The following PRRG1 variants were observed in gnomAD, a reference collection of about 807,000 sequenced individuals.
PRRG1 encodes transmembrane gamma-carboxyglutamic acid protein 1.
In PRRG1, 5 loss-of-function variants were observed where a neutral mutation model predicts 11.8. The observed-to-expected ratio is 0.42, with a 90% CI of 0.22 to 0.89. The LOEUF (loss-of-function observed/expected upper bound fraction) is 0.89. Among genes scored for constraint, PRRG1 ranks in the 40% least tolerant of loss-of-function variants. The probability of loss-of-function intolerance (pLI) is 0.28; values close to 1 mark genes in which losing one functional copy is unlikely to be tolerated. For missense variants in PRRG1, 155 were observed against 166.1 expected, an observed-to-expected ratio of 0.93 and a Z score of 0.37; for synonymous variants, 66 against 60.4, an observed-to-expected ratio of 1.09 and a Z score of -0.43.
chrX:37,438,416 A>G (rs1556392605), intron 3 of PRRG1, among the ~76,000 whole-genome samples: 1 of 106,623 alleles, frequency 9.4e-6, no homozygotes, highest in African/African-American at 3.4e-5. Context: ...ATTCGTTGAA[A>G]GCAGAATTTT....
intron 2 of PRRG1, among the ~76,000 whole-genome samples, chrX:37,418,081 G>A (rs1932550352): frequency 8.9e-6 from 1 of 112,174 alleles, no homozygotes; most frequent in Non-Finnish European, 1.9e-5. Flanking sequence ...TCATCAATTA[G>A]GAAACACGTT....
chrX:37,448,022 C>T (rs912660379), intron 3 of PRRG1, among the ~76,000 whole-genome samples: 1 of 112,238 alleles, frequency 8.9e-6, no homozygotes, highest in African/African-American at 3.2e-5. Context: ...TCCTTTTGCT[C>T]ATTACATCAG....
Position 37,414,316 on chromosome X carries a change from G to A in PRRG1, c.10+8057G>A, listed in dbSNP as rs782195260. Among the ~76,000 whole-genome samples, 10 of 111,728 alleles carry A rather than the reference G, an allele frequency of 9.0e-5. No homozygotes were observed. In the Admixed American group the frequency reaches 9.5e-4, roughly 11 times the overall value. ...CGGTGGTTTGTCTTTTCATTCTCTC[G>A]ATATAATGGTGTTTTTTATAGAAGT... On this transcript the variant is annotated intron_variant, in intron 2 of 3. Coordinates refer to ENST00000378628, the MANE Select transcript of PRRG1 (RefSeq NM_001142395.2).
In PRRG1 at chrX:37,456,766, A is replaced by G. The variant is rs1249901032; in HGVS notation, c.*3145A>G. 6 of 112,427 alleles carry G rather than the reference A, an allele frequency of 5.3e-5. No individual in the cohort carries two copies. The highest frequency in any genetic ancestry group is 1.1e-4 in the Non-Finnish European group (6 of 53,271). The allele number at this position is 112,427 out of a possible 1,213,427, so 9.3% of individuals were successfully genotyped here. On this transcript the variant is annotated 3_prime_UTR_variant, in exon 4 of 4. Coordinates refer to ENST00000378628, the MANE Select transcript of PRRG1 (RefSeq NM_001142395.2). ...TTGTCTTTCTTACCTGATTGATATTACATTCACCTTTGATTGTTTTTTAAA... is the reference window on the plus strand; with the variant it reads ...TTGTCTTTCTTACCTGATTGATATTGCATTCACCTTTGATTGTTTTTTAAA...
intron 2 of PRRG1, among the ~76,000 whole-genome samples, chrX:37,422,369 C>G (rs782344000): frequency 8.9e-6 from 1 of 111,804 alleles, no homozygotes; most frequent in Non-Finnish European, 1.9e-5. Context: ...AGACCAAACA[C>G]AAAGTATTGC....
intron 1 of PRRG1, among the ~76,000 whole-genome samples, chrX:37,372,123 T>A (rs1340708558): frequency 8.9e-6 from 1 of 112,860 alleles, no homozygotes; most frequent in Admixed American, 9.3e-5. Context: ...TTTCTTCATA[T>A]CTTTATCAAC....
chrX:37,451,101 C>G (rs782158334), intron 3 of PRRG1, among the ~76,000 whole-genome samples: 5 of 111,978 alleles, frequency 4.5e-5, no homozygotes, highest in East Asian at 2.8e-4. Flanking sequence ...CACCCGCAAC[C>G]TCCGCCTCCC....
At chrX:37,439,945 G>A (rs1468266131) in intron 3 of PRRG1, among the ~76,000 whole-genome samples, 21 of 108,896 alleles carry the variant, frequency 1.9e-4, no homozygotes, top group Non-Finnish European at 3.6e-4. Flanking sequence ...GACTACATGT[G>A]CCTGCCACCA....
intron 3 of PRRG1, among the ~76,000 whole-genome samples, 155 bp from the exon 4 acceptor site, chrX:37,452,981 C>T (rs1469013605): frequency 8.9e-6 from 1 of 112,011 alleles, no homozygotes; most frequent in Non-Finnish European, 1.9e-5. Flanking sequence ...AATTTCTTGT[C>T]ACATGGAAAA....
chrX:37,399,541 A>G (rs1206641132), intron 1 of PRRG1, among the ~76,000 whole-genome samples: 3 of 110,150 alleles, frequency 2.7e-5, no homozygotes, highest in Non-Finnish European at 5.7e-5. Flanking sequence ...CAAATTGTAA[A>G]GACCATCGAG....
At chrX:37,365,048 G>A (rs1930526248) in intron 1 of PRRG1, among the ~76,000 whole-genome samples, 1 of 111,957 alleles carries the variant, frequency 8.9e-6, no homozygotes, top group South Asian at 3.8e-4. Flanking sequence ...ATTGACGGAA[G>A]CTATGAATTC....
intron 3 of PRRG1, among the ~76,000 whole-genome samples, chrX:37,439,300 A>G (rs982178657): frequency 8.9e-6 from 1 of 112,353 alleles, no homozygotes; most frequent in African/African-American, 3.2e-5. Flanking sequence ...TTTGATACCA[A>G]TCACTGCTCA....
chrX:37,441,115 A>T, intron 3 of PRRG1: 3 of 906,013 alleles, frequency 3.3e-6, no homozygotes, highest in Non-Finnish European at 4.0e-6. Flanking sequence ...TAGACAAAAC[A>T]GAACTAAATC....
chrX:37,456,760 G>A lies in PRRG1; in HGVS notation c.*3139G>A, dbSNP rs1556398490. The A allele has an allele frequency of 8.9e-6, 1 of 112,195 alleles. No individual in the cohort carries two copies. The highest frequency in any genetic ancestry group is 1.9e-5 in the Non-Finnish European group (1 of 53,213). The allele number at this position is 112,195 out of a possible 1,213,427, so 9.2% of individuals were successfully genotyped here. A position where few individuals can be genotyped will look rare whatever the true frequency, so the allele number is the denominator to read the frequency against. On this transcript the variant is annotated 3_prime_UTR_variant, in exon 4 of 4. Coordinates refer to ENST00000378628, the MANE Select transcript of PRRG1 (RefSeq NM_001142395.2). The stretch of plus-strand genomic sequence containing the variant: ...ATGCTTTTGTCTTTCTTACCTGATT[G>A]ATATTACATTCACCTTTGATTGTTT...
At chrX:37,356,819 C>G (rs782375718) in intron 1 of PRRG1, among the ~76,000 whole-genome samples, 2 of 111,103 alleles carry the variant, frequency 1.8e-5, no homozygotes, top group Non-Finnish European at 3.8e-5. Context: ...CATATACCCC[C>G]TCTTCACATA....
intron 1 of PRRG1, among the ~76,000 whole-genome samples, chrX:37,401,389 G>A (rs1422935033): frequency 9.0e-6 from 1 of 111,232 alleles, no homozygotes; most frequent in Admixed American, 9.5e-5. Context: ...AAAACCACAT[G>A]ATTATCTCAA....
intron 1 of PRRG1, among the ~76,000 whole-genome samples, chrX:37,379,031 C>CT (rs56857980): frequency 0.015 from 424 of 28,764 alleles, 30 homozygotes; most frequent in East Asian, 0.028. Context: ...CATCTTTTTG[C>CT]TTTTTTTTTT....
intron 3 of PRRG1, 30 bp from the exon 4 acceptor site, chrX:37,453,106 T>A (rs1556396922): frequency 8.8e-7 from 1 of 1,142,167 alleles, no homozygotes; most frequent in East Asian, 3.1e-5. Flanking sequence ...TTCATACTGA[T>A]TTTCTATTTA....
At chrX:37,392,906 A>G (rs187995861) in intron 1 of PRRG1, among the ~76,000 whole-genome samples, 4 of 111,684 alleles carry the variant, frequency 3.6e-5, no homozygotes, top group African/African-American at 1.3e-4. Flanking sequence ...TAGTGAGGGC[A>G]GGGGTTTGTG....
Sources: allele counts gnomAD v4.1 joint callset (sites outside exome capture counted in the v4.1 genomes callset), GRCh38; gene constraint gnomAD v4.1.1; transcripts MANE v1.5; gene names NCBI Gene and HGNC (gene_info 2026-07-23, HGNC 2026-07-21).